Variants in FAM53A observed in about 807,000 individuals in gnomAD.
FAM53A encodes the protein family with sequence similarity 53 member A, also known as protein FAM53A.
Under a neutral mutation model 26.6 loss-of-function variants are expected in FAM53A, and 28 were observed. That is an observed-to-expected ratio of 1.05 (90% confidence interval 0.78 to 1.45). The LOEUF is 1.45. FAM53A is among the 40% of genes most tolerant of loss of function. The pLI is 0.00. For missense variants in FAM53A, 650 were observed against 575.8 expected (o/e 1.13, Z -1.32); for synonymous variants, 290 against 253.1 (o/e 1.15, Z -1.38).
At chr4:1,609,745 C>G in the FAM53A span, among the ~76,000 whole-genome samples, 1 of 151,890 alleles carries the variant, frequency 6.6e-6, no homozygotes, top group Non-Finnish European at 1.5e-5. Flanking sequence ...GGTGGATCAC[C>G]TGAGGTCAGG....
chr4:1,624,198 G>C (rs886899265), intron 1 of FAM53A, among the ~76,000 whole-genome samples: 2 of 152,268 alleles, frequency 1.3e-5, no homozygotes, highest in African/African-American at 2.4e-5. Flanking sequence ...GACTGGCTCA[G>C]GTCCCTGGGC....
At chr4:1,579,845 G>T in the FAM53A span, among the ~76,000 whole-genome samples, 3 of 152,290 alleles carry the variant, frequency 2.0e-5, no homozygotes, top group Middle Eastern at 3.4e-3. Flanking sequence ...CCGAGCATCC[G>T]CCCCGGGGCA....
the FAM53A span, among the ~76,000 whole-genome samples, chr4:1,581,952 G>C: frequency 6.6e-6 from 1 of 151,552 alleles, no homozygotes; most frequent in East Asian, 1.9e-4. Context: ...GCAGTGGTGT[G>C]ATCACAGCTC....
intron 2 of FAM53A, among the ~76,000 whole-genome samples, chr4:1,666,282 C>CTGCACA (rs772843255): frequency 3.8e-4 from 52 of 138,620 alleles, no homozygotes; most frequent in African/African-American, 1.4e-3. Context: ...AAACCTGCAC[C>CTGCACA]CCCTGTATCT....
the FAM53A span, among the ~76,000 whole-genome samples, chr4:1,601,508 C>T: frequency 6.2e-5 from 7 of 112,512 alleles, 3 homozygotes; most frequent in Non-Finnish European, 8.7e-5. Flanking sequence ...CTGCCCCTCC[C>T]GGGTGCACTG....
At chr4:1,623,994 C>T (rs1418486841) in intron 1 of FAM53A, among the ~76,000 whole-genome samples, 1 of 152,160 alleles carries the variant, frequency 6.6e-6, no homozygotes, top group Non-Finnish European at 1.5e-5. Flanking sequence ...AGGGGCCATG[C>T]CTGCCTGGGG....
At chr4:1,665,533 G>A (rs1248273729) in intron 2 of FAM53A, among the ~76,000 whole-genome samples, 1 of 152,022 alleles carries the variant, frequency 6.6e-6, no homozygotes, top group East Asian at 1.9e-4. Flanking sequence ...GGATAAAAAG[G>A]TTTGTCCTCC....
downstream of FAM53A, among the ~76,000 whole-genome samples, chr4:1,614,578 C>T (rs889836452): frequency 2.0e-5 from 3 of 152,090 alleles, no homozygotes; most frequent in Non-Finnish European, 4.4e-5. Flanking sequence ...CCCAGAGCAG[C>T]GTCACCGCAG....
the FAM53A span, among the ~76,000 whole-genome samples, chr4:1,594,434 T>TGGC: frequency 6.6e-6 from 1 of 152,034 alleles, no homozygotes; most frequent in South Asian, 2.1e-4. Flanking sequence ...CCCCCCGGGG[T>TGGC]ATACAAGCAG....
Position 1,621,101 on chromosome 4 carries a change from C to CTTTTTTTTTTTTTTT in FAM53A, c.432-3005_432-2991dup, listed in dbSNP as rs574102929. 4.3e-4 allele frequency among the ~76,000 whole-genome samples: 41 copies of CTTTTTTTTTTTTTTT among 95,508 alleles called. 3 individuals carry two copies. Among genetic ancestry groups the CTTTTTTTTTTTTTTT allele is most frequent in the East Asian group, 6.3e-4 (2 of 3,158 alleles). 62.7% of individuals were successfully genotyped at this position (95,508 alleles called of 152,430 possible). A position where few individuals can be genotyped will look rare whatever the true frequency, so the allele number is the denominator to read the frequency against. On this transcript the variant is annotated intron_variant, in intron 1 of 1. Coordinates refer to the FAM53A transcript ENST00000489029. ...TTTCCTAGCTGAGTCAGCTACGCTACTTTTTTTTTTTTTTTTTTTTTGAGA... is the reference window on the plus strand; with the variant it reads ...TTTCCTAGCTGAGTCAGCTACGCTACTTTTTTTTTTTTTTTTTTTTTTTTTTTTTTTTTTTTGAGA...
At chr4:1,583,538 G>A in the FAM53A span, among the ~76,000 whole-genome samples, 1 of 152,344 alleles carries the variant, frequency 6.6e-6, no homozygotes, top group South Asian at 2.1e-4. Flanking sequence ...CACCTCATGT[G>A]CTTCTCACAC....
At chr4:1,675,265 G>C (rs1714966624) in intron 1 of FAM53A, among the ~76,000 whole-genome samples, 1 of 152,122 alleles carries the variant, frequency 6.6e-6, no homozygotes, top group South Asian at 2.1e-4. Context: ...GGTGAGGAGT[G>C]GGACCCAGCA....
chr4:1,685,307 C>T (rs1217050907), upstream of FAM53A, among the ~76,000 whole-genome samples: 1 of 152,080 alleles, frequency 6.6e-6, no homozygotes, highest in Non-Finnish European at 1.5e-5. Context: ...CCCTGCGGTC[C>T]AGTGCCTCCC....
downstream of FAM53A, among the ~76,000 whole-genome samples, chr4:1,612,920 C>T (rs1714681159): frequency 6.6e-6 from 1 of 152,220 alleles, no homozygotes; most frequent in African/African-American, 2.4e-5. Flanking sequence ...ACACACAAGG[C>T]ACATGGCCTG....
chr4:1,606,919 C>G, the FAM53A span, among the ~76,000 whole-genome samples: 1 of 152,254 alleles, frequency 6.6e-6, no homozygotes, highest in Non-Finnish European at 1.5e-5. Context: ...AGCTGCCATG[C>G]TGTTCCCCAC....
At chr4:1,627,643 T>A (rs891605409) in intron 1 of FAM53A, among the ~76,000 whole-genome samples, 3 of 152,150 alleles carry the variant, frequency 2.0e-5, no homozygotes, top group South Asian at 2.1e-4. Context: ...AGAGACAGTG[T>A]CCACACTGGG....
chr4:1,668,556 C>T (rs1367067118), intron 2 of FAM53A, 111 bp downstream of exon 2: 6 of 1,206,980 alleles, frequency 5.0e-6, no homozygotes, highest in African/African-American at 4.5e-5. Context: ...CCCAGCAGGG[C>T]CCCCCAGGCC....
intron 1 of FAM53A, chr4:1,683,472 T>C (rs1227031955): frequency 6.6e-6 from 1 of 151,900 alleles, no homozygotes; most frequent in African/African-American, 2.4e-5. Flanking sequence ...GAACAAGGAG[T>C]TCGATCTGTA....
In FAM53A at chr4:1,668,676, C is replaced by G; in HGVS notation, c.66G>C (p.Glu22Asp). 6.2e-7 allele frequency: 1 copy of G among 1,614,150 alleles called. No homozygotes were observed. The highest frequency in any genetic ancestry group is 8.5e-7 in the Non-Finnish European group (1 of 1,180,036). ...QSLDDLTCKA[E>D]AGPLQYSAET... Reference sequence around the variant, plus strand: ...ACCTGCAGCTGCTTACCGGGCCAGCCTCCGCCTTGCAGGTGAGGTCGTCCA... The same window carrying G: ...ACCTGCAGCTGCTTACCGGGCCAGCGTCCGCCTTGCAGGTGAGGTCGTCCA... Residue 22 changes from glutamate (E) to aspartate (D), a missense_variant, in exon 2 of 5, where the codon GAG becomes GAC. Coordinates refer to ENST00000308132, the MANE Select transcript of FAM53A (RefSeq NM_001174070.3).
Sources: allele counts gnomAD v4.1 joint callset (sites outside exome capture counted in the v4.1 genomes callset), GRCh38; gene constraint gnomAD v4.1.1; transcripts MANE v1.5; gene names NCBI Gene and HGNC (gene_info 2026-07-23, HGNC 2026-07-21).